AKAP9: variants seen among roughly 807,000 people sequenced by gnomAD.
The protein encoded by AKAP9 is A-kinase anchor protein 9.
In AKAP9, 311 loss-of-function variants were observed where a neutral mutation model predicts 488.5. The observed-to-expected ratio is 0.64, with a 90% CI of 0.58 to 0.70. The LOEUF is 0.70. AKAP9 is among the 30% of genes least tolerant of loss of function. AKAP9 has a pLI of 0.00. For synonymous variants in AKAP9, 1,462 were observed against 1,483.5 expected, an observed-to-expected ratio of 0.99 and a Z score of 0.33; for missense variants, 4,215 against 4,374.5, an observed-to-expected ratio of 0.96 and a Z score of 1.03.
intron 3 of AKAP9, among the ~76,000 whole-genome samples, chr7:91,981,937 G>A (rs1796464571): frequency 6.6e-6 from 1 of 152,136 alleles, no homozygotes; most frequent in South Asian, 2.1e-4. Context: ...AGTCATAAAT[G>A]CTTTGGTGCT....
intron 46 of AKAP9, among the ~76,000 whole-genome samples, chr7:92,104,335 C>T (rs796438544): frequency 4.0e-5 from 6 of 151,824 alleles, no homozygotes; most frequent in African/African-American, 1.2e-4. Context: ...GGACTACAGG[C>T]GCCCACCACC....
intron 39 of AKAP9, among the ~76,000 whole-genome samples, chr7:92,094,524 A>T (rs1369272442): frequency 6.8e-6 from 1 of 146,870 alleles, no homozygotes; most frequent in African/African-American, 2.5e-5. Flanking sequence ...CAAGAGGGAA[A>T]CTCCGTCTCA....
intron 3 of AKAP9, among the ~76,000 whole-genome samples, chr7:91,983,908 A>G (rs922980146): frequency 6.6e-6 from 1 of 151,990 alleles, no homozygotes; most frequent in Non-Finnish European, 1.5e-5. Flanking sequence ...GCATTTTTTC[A>G]TGTGTCTGTT....
At chr7:92,077,109 T>TC in intron 29 of AKAP9, 102 bp downstream of exon 29, 1 of 467,700 alleles carries the variant, frequency 2.1e-6, no homozygotes, top group East Asian at 5.7e-5. Context: ...TTTTTTTTTT[T>TC]TTTTGAGACT....
intron 8 of AKAP9, among the ~76,000 whole-genome samples, chr7:92,009,251 C>G (rs1225573584): frequency 6.6e-6 from 1 of 152,012 alleles, no homozygotes; most frequent in Non-Finnish European, 1.5e-5. Context: ...GTCTCTAAAA[C>G]AAACTAACAA....
intron 16 of AKAP9, among the ~76,000 whole-genome samples, chr7:92,036,928 T>C (rs778557786): frequency 1.8e-4 from 27 of 152,222 alleles, no homozygotes; most frequent in Non-Finnish European, 2.9e-4. Context: ...TGAGCTAGCA[T>C]AGGCACCCAG....
At chr7:91,955,071 T>C (rs991705008) in intron 1 of AKAP9, among the ~76,000 whole-genome samples, 5 of 152,224 alleles carry the variant, frequency 3.3e-5, no homozygotes, top group African/African-American at 1.2e-4. Context: ...TTATATAAGA[T>C]GAATCTCCTC....
At chr7:92,104,923 G>A (rs1818278763) in intron 46 of AKAP9, among the ~76,000 whole-genome samples, 1 of 152,166 alleles carries the variant, frequency 6.6e-6, no homozygotes, top group Admixed American at 6.5e-5. Flanking sequence ...TAAGTAAATG[G>A]GAGGTCACAG....
At position 92,002,163 on chromosome 7, in the gene AKAP9, A is replaced by G; in HGVS notation, c.2246A>G (p.Gln749Arg). Reference sequence around the variant, plus strand: ...CTTGAACAAGAAGTTCAAGAATTACAACTTAAAACAGAATTGTTAGAAAAA... The same window carrying G: ...CTTGAACAAGAAGTTCAAGAATTACGACTTAAAACAGAATTGTTAGAAAAA... ...GTLEQEVQEL[Q>R]LKTELLEKQM... The change falls in exon 8 of 50, where the codon CAA becomes CGA. Residue 749 changes from glutamine to arginine, a missense_variant. Gln to Arg is a conservative substitution (Grantham distance 43). This residue lies in a region of AKAP9 where 2,361 missense variants were observed against 2,430.0 expected (regional missense o/e 0.97). Coordinates refer to ENST00000356239, the MANE Select transcript of AKAP9 (RefSeq NM_005751.5). The G allele has an allele frequency of 6.3e-7, 1 of 1,592,098 alleles. No homozygotes were observed. The highest frequency in any genetic ancestry group is 8.5e-7 in the Non-Finnish European group (1 of 1,173,782).
chr7:92,044,754 C>T (rs899684324), intron 20 of AKAP9, among the ~76,000 whole-genome samples: 6 of 151,358 alleles, frequency 4.0e-5, no homozygotes, highest in African/African-American at 9.7e-5. Context: ...AATTAAATAC[C>T]GTACATTTTA....
At chr7:92,004,051 C>A (rs997290793) in intron 8 of AKAP9, among the ~76,000 whole-genome samples, 8 of 152,012 alleles carry the variant, frequency 5.3e-5, no homozygotes, top group Non-Finnish European at 8.8e-5. Context: ...ATAAATGAAA[C>A]AAGTAGGATA....
intron 1 of AKAP9, among the ~76,000 whole-genome samples, chr7:91,951,450 G>A (rs897143670): frequency 4.6e-5 from 7 of 151,914 alleles, no homozygotes; most frequent in East Asian, 1.9e-4. Context: ...TCAGGCTCCC[G>A]AGTAGCTGGG....
intron 1 of AKAP9, among the ~76,000 whole-genome samples, chr7:91,968,028 C>T (rs1004530475): frequency 1.3e-5 from 2 of 152,156 alleles, no homozygotes; most frequent in African/African-American, 4.8e-5. Flanking sequence ...ACCTCTGCCT[C>T]CTGGGCTCAA....
At chr7:92,103,387 CAAAAAAAA>C (rs898565298) in intron 46 of AKAP9, among the ~76,000 whole-genome samples, 2 of 25,920 alleles carry the variant, frequency 7.7e-5, no homozygotes, top group Admixed American at 5.1e-4. Flanking sequence ...GAGACTCTGT[CAAAAAAAA>C]AAAAAAAAAA....
At chr7:92,062,594 A>C in intron 24 of AKAP9, 108 bp downstream of exon 24, 1 of 868,626 alleles carries the variant, frequency 1.2e-6, no homozygotes, top group African/African-American at 1.7e-5. Context: ...CATATATTTT[A>C]TAGAGAGATT....
In AKAP9 at chr7:92,079,416, A is replaced by G; in HGVS notation, c.7283A>G (p.Gln2428Arg). 6.2e-7 allele frequency: 1 copy of G among 1,614,128 alleles called. No homozygotes were observed. Among genetic ancestry groups the G allele is most frequent in the Non-Finnish European group, 8.5e-7 (1 of 1,179,990 alleles). ...ETNFKMNQLT[Q>R]ELFSLKRERE... ...AATTTTAAAATGAATCAGCTAACAC[A>G]GGAATTATTCAGCTTAAAGAGAGAA... is the stretch of plus-strand genomic sequence containing the variant. The change falls in exon 31 of 50, where the codon CAG becomes CGG. Residue 2428 changes from glutamine to arginine, a missense_variant. Physicochemically the swap from Gln to Arg is conservative, Grantham distance 43. Around this residue, in one of 5 missense-constraint regions of AKAP9, gnomAD observed 1,476 missense variants for 1,477.4 expected, o/e 1.00. Coordinates refer to ENST00000356239, the MANE Select transcript of AKAP9 (RefSeq NM_005751.5).
intron 3 of AKAP9, among the ~76,000 whole-genome samples, chr7:91,991,736 G>T (rs1797785927): frequency 1.3e-5 from 2 of 152,150 alleles, no homozygotes; most frequent in African/African-American, 4.8e-5. Flanking sequence ...CTCCCAAAGT[G>T]CTGGGATTAC....
In AKAP9 at chr7:91,949,674, T is replaced by C. The variant is rs1791947681; in HGVS notation, c.48+8527T>C. On this transcript the variant is annotated intron_variant, in intron 1 of 49. Transcript: ENST00000356239. ...TTAGTGCCCTTCTAGGTACATTGCA[T>C]AAAGCTTTGGTTGATTTTTGCATGG... is the stretch of plus-strand genomic sequence containing the variant. Among the ~76,000 whole-genome samples, 6 of 152,318 alleles carry C rather than the reference T, an allele frequency of 3.9e-5. No homozygotes were observed. The South Asian group carries it at 1.2e-3, about 32-fold the overall frequency.
intron 1 of AKAP9, among the ~76,000 whole-genome samples, chr7:91,971,864 C>A (rs186603154): frequency 6.6e-6 from 1 of 151,798 alleles, no homozygotes; most frequent in African/African-American, 2.4e-5. Flanking sequence ...CCACCGTGCC[C>A]GGCCTACATC....
Sources: allele counts gnomAD v4.1 joint callset (sites outside exome capture counted in the v4.1 genomes callset), GRCh38; gene constraint gnomAD v4.1.1; regional missense constraint gnomAD v4.1.1; transcripts MANE v1.5; gene names NCBI Gene and HGNC (gene_info 2026-07-23, HGNC 2026-07-21).